The following DSCAM variants were observed in gnomAD, a reference collection of about 807,000 sequenced individuals.
DSCAM encodes the protein cell adhesion molecule DSCAM.
A neutral mutation model predicts 217.7 loss-of-function variants in DSCAM; 47 were observed. That is an observed-to-expected ratio of 0.22 (90% CI 0.17 to 0.28). The LOEUF is 0.28. Among genes scored for constraint, DSCAM ranks in the 10% least tolerant of loss-of-function variants. The probability of loss-of-function intolerance (pLI) is 1.00; values close to 1 mark genes in which losing one functional copy is unlikely to be tolerated. For missense variants in DSCAM, 2,080 were observed against 2,618.3 expected (o/e 0.79, Z 4.49); for synonymous variants, 1,056 against 1,015.3 (o/e 1.04, Z -0.76).
At chr21:40,357,451 G>C (rs1402762775) in intron 4 of DSCAM, among the ~76,000 whole-genome samples, 3 of 152,154 alleles carry the variant, frequency 2.0e-5, no homozygotes, top group African/African-American at 7.2e-5. Flanking sequence ...TGAACTAGAA[G>C]ACACAAAGTT....
In DSCAM at chr21:40,144,958, A is replaced by G. The variant is rs752711894; in HGVS notation, c.3019-227T>C. Among the ~76,000 whole-genome samples, 1 of 152,106 alleles carries G rather than the reference A, an allele frequency of 6.6e-6. No homozygotes were observed. Among genetic ancestry groups the G allele is most frequent in the Non-Finnish European group, 1.5e-5 (1 of 68,022 alleles). ...CCGGCCCTCCCAGCCCCTCTGAGCCACTGGACCGTCAATGGACACAGGAGG... is the reference window on the plus strand; with the variant it reads ...CCGGCCCTCCCAGCCCCTCTGAGCCGCTGGACCGTCAATGGACACAGGAGG... On this transcript the variant is annotated intron_variant, in intron 16 of 32. Transcript: ENST00000400454. This position sits in a 1 kb window ranked among gnomAD's most constrained non-coding sequence, Gnocchi z 4.8.
intron 3 of DSCAM, among the ~76,000 whole-genome samples, chr21:40,538,392 C>T (rs939882756): frequency 1.3e-5 from 2 of 152,134 alleles, no homozygotes; most frequent in African/African-American, 2.4e-5. Context: ...AACCAAAATG[C>T]GCCACTCCCC....
intron 1 of DSCAM, among the ~76,000 whole-genome samples, chr21:40,828,881 C>T (rs919178168): frequency 5.3e-5 from 8 of 152,188 alleles, no homozygotes; most frequent in African/African-American, 1.9e-4. Flanking sequence ...TGGTCTCAAA[C>T]TCCTGACCTC....
At chr21:40,426,405 C>A (rs1037110373) in intron 3 of DSCAM, among the ~76,000 whole-genome samples, 2 of 152,282 alleles carry the variant, frequency 1.3e-5, no homozygotes, top group East Asian at 3.9e-4. Flanking sequence ...GGCATTTTCA[C>A]GAGTGGACGT....
rs371462034 is a variant in DSCAM, at chr21:40,708,451, C to T, written c.361+3G>A. 7.3e-6 allele frequency: 11 copies of T among 1,498,184 alleles called. No individual in the cohort carries two copies. The highest frequency in any genetic ancestry group is 9.8e-6 in the Non-Finnish European group (11 of 1,121,310). 92.8% of individuals were successfully genotyped at this position (1,498,184 alleles called of 1,614,324 possible). A position where few individuals can be genotyped will look rare whatever the true frequency, so the allele number is the denominator to read the frequency against. ...AAAAAACAAAGCCCAGAGCTGTACT[C>T]ACCAGCCTTGATGTGGACATCCTGA... On this transcript the variant is annotated splice_donor_region_variant and intron_variant, in intron 2 of 32. Coordinates refer to ENST00000400454, the MANE Select transcript of DSCAM (RefSeq NM_001389.5).
chr21:40,467,132 T>A (rs2075851695), intron 3 of DSCAM, among the ~76,000 whole-genome samples: 1 of 152,216 alleles, frequency 6.6e-6, no homozygotes, highest in Admixed American at 6.5e-5. Flanking sequence ...TACCTGTATT[T>A]AAACAATCAA....
At chr21:40,076,416 A>G (rs1568927830) in intron 26 of DSCAM, among the ~76,000 whole-genome samples, 1 of 152,178 alleles carries the variant, frequency 6.6e-6, no homozygotes, top group Admixed American at 6.5e-5. Flanking sequence ...TAGGCTGCCA[A>G]TCTTGGCTTT....
At chr21:40,796,786 A>G (rs910541941) in intron 1 of DSCAM, among the ~76,000 whole-genome samples, 2 of 152,212 alleles carry the variant, frequency 1.3e-5, no homozygotes, top group Admixed American at 6.5e-5. Context: ...CTGATTTAAC[A>G]CATGGTCATG....
chr21:40,821,712 G>A (rs781656099), intron 1 of DSCAM, among the ~76,000 whole-genome samples: 1 of 152,138 alleles, frequency 6.6e-6, no homozygotes, highest in African/African-American at 2.4e-5. Flanking sequence ...TTGGTTCCAT[G>A]TCTTTGGAGC....
chr21:40,077,230 A>G (rs968808349), intron 26 of DSCAM, among the ~76,000 whole-genome samples: 2 of 152,206 alleles, frequency 1.3e-5, no homozygotes, highest in African/African-American at 4.8e-5. Context: ...AGAGCTTTCT[A>G]CAAGCTCAAG....
intron 3 of DSCAM, among the ~76,000 whole-genome samples, chr21:40,520,288 A>G (rs1403160206): frequency 1.3e-5 from 2 of 152,160 alleles, no homozygotes; most frequent in African/African-American, 4.8e-5. Flanking sequence ...TTTAAATACC[A>G]TCTTTCTTCA....
At position 40,221,430 on chromosome 21, in the gene DSCAM, GGATT is replaced by G. The variant is rs370765363; in HGVS notation, c.2357-32196_2357-32193del. ...AAATATATAATATACATACGTAATA[GGATT>G]ATTATATAAATAACATAAAATATAT... On this transcript the variant is annotated intron_variant, in intron 11 of 32. Transcript: ENST00000400454. Among the ~76,000 whole-genome samples the G allele has an allele frequency of 3.9e-3, 574 of 147,950 alleles. 2 individuals are homozygous for G. The highest frequency in any genetic ancestry group is 6.8e-3 in the Non-Finnish European group (459 of 67,246).
intron 1 of DSCAM, among the ~76,000 whole-genome samples, chr21:40,828,297 T>C (rs1474278112): frequency 6.6e-6 from 1 of 152,150 alleles, no homozygotes; most frequent in Non-Finnish European, 1.5e-5. Flanking sequence ...ATGGGAGATG[T>C]GGAATTCTGG....
intron 3 of DSCAM, among the ~76,000 whole-genome samples, chr21:40,522,900 G>A (rs1370755001): frequency 2.0e-5 from 3 of 152,002 alleles, no homozygotes; most frequent in Non-Finnish European, 4.4e-5. Flanking sequence ...ATCAATAATC[G>A]ACAACATAAT....
chr21:40,363,944 C>T (rs1400705164), intron 4 of DSCAM, among the ~76,000 whole-genome samples: 1 of 152,068 alleles, frequency 6.6e-6, no homozygotes, highest in African/African-American at 2.4e-5. Flanking sequence ...TCATCACTGG[C>T]CATTAGAGAA....
chr21:40,239,723 C>T (rs916273697), intron 11 of DSCAM, among the ~76,000 whole-genome samples: 1 of 152,166 alleles, frequency 6.6e-6, no homozygotes, highest in Admixed American at 6.5e-5. Context: ...GCATAGGTTA[C>T]AGCAGTAGAA....
At chr21:40,607,801 T>G (rs2089261807) in intron 3 of DSCAM, among the ~76,000 whole-genome samples, 1 of 152,196 alleles carries the variant, frequency 6.6e-6, no homozygotes, top group Non-Finnish European at 1.5e-5. Flanking sequence ...CCATTAAACC[T>G]CTTTTTCTTT....
chr21:40,398,876 C>T (rs563877986), intron 3 of DSCAM, among the ~76,000 whole-genome samples: 2 of 152,250 alleles, frequency 1.3e-5, no homozygotes, highest in South Asian at 4.1e-4. Context: ...GTGTCAGCCA[C>T]CGCACCCAGC....
At chr21:40,175,415 A>T (rs2090713964) in intron 15 of DSCAM, among the ~76,000 whole-genome samples, 2 of 152,172 alleles carry the variant, frequency 1.3e-5, no homozygotes, top group Admixed American at 6.5e-5. Context: ...TGCCTGGCTC[A>T]GAAGTTTATT....
Sources: allele counts gnomAD v4.1 joint callset (sites outside exome capture counted in the v4.1 genomes callset), GRCh38; gene constraint gnomAD v4.1.1; non-coding constraint Gnocchi (gnomAD v3.1); transcripts MANE v1.5; gene names NCBI Gene and HGNC (gene_info 2026-07-23, HGNC 2026-07-21).